SPHKAP: variants seen among roughly 807,000 people sequenced by gnomAD.
The protein encoded by SPHKAP is A-kinase anchor protein SPHKAP.
A neutral mutation model predicts 137.5 loss-of-function variants in SPHKAP; 67 were observed. The ratio of observed to expected loss-of-function variants is 0.49; its 90% CI spans 0.40 to 0.60. SPHKAP has a LOEUF of 0.60. SPHKAP is among the 20% of genes least tolerant of loss of function. The pLI is 0.00. For missense variants in SPHKAP, 2,097 were observed against 2,069.3 expected (o/e 1.01, Z -0.26); for synonymous variants, 813 against 785.3 (o/e 1.04, Z -0.59).
intron 3 of SPHKAP, among the ~76,000 whole-genome samples, chr2:228,062,638 T>TA (rs1011818330): frequency 1.3e-5 from 2 of 152,196 alleles, no homozygotes; most frequent in African/African-American, 4.8e-5. Context: ...GCTGTGTATT[T>TA]AAAAAAATTG....
intron 3 of SPHKAP, among the ~76,000 whole-genome samples, chr2:228,107,074 T>G (rs1030185196): frequency 1.3e-5 from 2 of 150,988 alleles, no homozygotes; most frequent in African/African-American, 4.9e-5. Flanking sequence ...TAGTTATCAT[T>G]TTTTTTTTGG....
At chr2:228,147,953 A>C (rs760682946) in intron 1 of SPHKAP, among the ~76,000 whole-genome samples, 6 of 152,188 alleles carry the variant, frequency 3.9e-5, no homozygotes, top group Non-Finnish European at 8.8e-5. Context: ...TGATTTACTC[A>C]GTTGCATTTA....
intron 3 of SPHKAP, among the ~76,000 whole-genome samples, chr2:228,091,620 C>G (rs1697735817): frequency 6.6e-6 from 1 of 151,986 alleles, no homozygotes; most frequent in Non-Finnish European, 1.5e-5. Context: ...CATAAATAGA[C>G]AATTCTGAAA....
chr2:228,143,225 T>C (rs1321823563), intron 1 of SPHKAP, among the ~76,000 whole-genome samples: 1 of 152,110 alleles, frequency 6.6e-6, no homozygotes, highest in Non-Finnish European at 1.5e-5. Flanking sequence ...TATGTAACTA[T>C]TGATATGAAT....
chr2:228,115,202 G>A (rs1231302469), intron 2 of SPHKAP, among the ~76,000 whole-genome samples: 1 of 152,070 alleles, frequency 6.6e-6, no homozygotes, highest in Non-Finnish European at 1.5e-5. Flanking sequence ...GAGTCTCAGG[G>A]AATTAATTAC....
intron 9 of SPHKAP, 38 bp from the exon 10 acceptor site, chr2:227,991,364 TAGA>T: frequency 6.2e-7 from 1 of 1,613,760 alleles, no homozygotes; most frequent in South Asian, 1.1e-5. Flanking sequence ...TGGTAATGTT[TAGA>T]AGAATAAGCT....
intron 1 of SPHKAP, among the ~76,000 whole-genome samples, chr2:228,165,973 AAAG>A (rs147079204): frequency 0.018 from 2,693 of 152,302 alleles, 39 homozygotes; most frequent in Non-Finnish European, 0.022. Flanking sequence ...ATTTCCAAAA[AAAG>A]AAGAAAGTAA....
Position 228,070,130 on chromosome 2 carries a change from C to G in SPHKAP, c.246+38702G>C, listed in dbSNP as rs1228191299. 2.0e-5 allele frequency among the ~76,000 whole-genome samples: 3 copies of G among 152,226 alleles called. No individual in the cohort carries two copies. In the East Asian group the frequency reaches 5.8e-4, roughly 29 times the overall value. ...AAAAATCCACATATAACTTTTGACT[C>G]TCCTGAAACTTAACTACTAATAGCT... On this transcript the variant is annotated intron_variant, in intron 3 of 11. Transcript: ENST00000392056.
Position 228,018,701 on chromosome 2 carries a change from C to T in SPHKAP, c.2153G>A (p.Cys718Tyr), listed in dbSNP as rs772954469. Residue 718 changes from cysteine (C) to tyrosine (Y), a missense_variant, in exon 7 of 12, where the codon TGC becomes TAC. Cys to Tyr is a radical substitution (Grantham distance 194). Coordinates refer to ENST00000392056, the MANE Select transcript of SPHKAP (RefSeq NM_001142644.2). ...STNQLLLDVICFTFKKMSHIV... is the reference protein window; with the variant it reads ...STNQLLLDVIYFTFKKMSHIV... ...ATGACTCATCTTCTTGAACGTGAAG[C>T]ATATCACATCTAAAAGCAGTTGATT... 2.5e-6 allele frequency: 4 copies of T among 1,614,198 alleles called. No individual in the cohort carries two copies. Among genetic ancestry groups the T allele is most frequent in the Non-Finnish European group, 3.4e-6 (4 of 1,180,034 alleles).
intron 3 of SPHKAP, among the ~76,000 whole-genome samples, chr2:228,032,291 G>T (rs1306114216): frequency 6.6e-6 from 1 of 152,102 alleles, no homozygotes; most frequent in African/African-American, 2.4e-5. Context: ...ATTGATGGAA[G>T]ATGAAATGAA....
At chr2:228,158,299 A>G (rs1364577817) in intron 1 of SPHKAP, among the ~76,000 whole-genome samples, 1 of 149,832 alleles carries the variant, frequency 6.7e-6, no homozygotes, top group Admixed American at 6.7e-5. Context: ...CATATATAAG[A>G]TAATTGTAAT....
chr2:227,991,882 A>C (rs537574946), intron 9 of SPHKAP: 2 of 255,876 alleles, frequency 7.8e-6, no homozygotes, highest in South Asian at 1.4e-4. Flanking sequence ...TGACAGCAAA[A>C]TATCACAATT....
intron 3 of SPHKAP, among the ~76,000 whole-genome samples, chr2:228,071,276 GT>G (rs1696996661): frequency 6.6e-6 from 1 of 152,110 alleles, no homozygotes; most frequent in Non-Finnish European, 1.5e-5. Flanking sequence ...TTTGTGACAA[GT>G]TTTCCCCCCA....
At chr2:228,145,757 C>T (rs933024489) in intron 1 of SPHKAP, among the ~76,000 whole-genome samples, 68 of 152,200 alleles carry the variant, frequency 4.5e-4, no homozygotes, top group African/African-American at 1.5e-3. Context: ...AAGCGGGAGC[C>T]ATGTTGGCCT....
At chr2:228,133,572 A>AT (rs1314591686) in intron 1 of SPHKAP, among the ~76,000 whole-genome samples, 1 of 152,236 alleles carries the variant, frequency 6.6e-6, no homozygotes, top group East Asian at 1.9e-4. Context: ...TGTTGACCAC[A>AT]TAGAACATGC....
intron 1 of SPHKAP, among the ~76,000 whole-genome samples, chr2:228,148,258 C>T: frequency 6.6e-6 from 1 of 152,144 alleles, no homozygotes; most frequent in East Asian, 1.9e-4. Context: ...GGGTATCCCC[C>T]AAACACACTG....
intron 3 of SPHKAP, among the ~76,000 whole-genome samples, chr2:228,083,378 T>C (rs867862460): frequency 6.6e-6 from 1 of 152,244 alleles, no homozygotes; most frequent in Non-Finnish European, 1.5e-5. Context: ...ATAATTGCCA[T>C]TTGACTGGTG....
chr2:228,080,767 T>G (rs1269328735), intron 3 of SPHKAP, among the ~76,000 whole-genome samples: 151 of 50,778 alleles, frequency 3.0e-3, no homozygotes, highest in African/African-American at 0.013. Flanking sequence ...TAAAATAAAA[T>G]AAAATAAAAT....
chr2:228,028,624 TTG>T (rs1403885409), intron 3 of SPHKAP, among the ~76,000 whole-genome samples: 1 of 152,218 alleles, frequency 6.6e-6, no homozygotes, highest in African/African-American at 2.4e-5. Flanking sequence ...TACTTAATGA[TTG>T]TGTTTCAGTT....
Sources: gnomAD v4.1 joint callset for allele counts (sites outside exome capture counted in the v4.1 genomes callset) on GRCh38, gnomAD v4.1.1 for gene constraint, MANE v1.5 for transcripts, NCBI Gene and HGNC (gene_info 2026-07-23, HGNC 2026-07-21) for gene names.